The following MORC1 variants were observed in gnomAD, a reference collection of about 807,000 sequenced individuals.
The protein encoded by MORC1 is MORC family CW-type zinc finger protein 1.
Under a neutral mutation model 134.9 loss-of-function variants are expected in MORC1, and 59 were observed. The observed-to-expected ratio is 0.44, with a 90% CI of 0.35 to 0.54. The LOEUF is 0.54. MORC1 is among the 20% of genes least tolerant of loss of function. The pLI, the probability that MORC1 is intolerant of heterozygous loss-of-function variation, is 0.00. For synonymous variants in MORC1, 395 were observed against 391.7 expected, an observed-to-expected ratio of 1.01 and a Z score of -0.10; for missense variants, 947 against 1,134.5, an observed-to-expected ratio of 0.83 and a Z score of 2.37.
chr3:109,117,349 A>AG (rs1442367699), intron 1 of MORC1, among the ~76,000 whole-genome samples: 52 of 151,006 alleles, frequency 3.4e-4, no homozygotes, highest in African/African-American at 1.2e-3. Context: ...AAAAAAAAAA[A>AG]AAAAGAAACA....
intron 17 of MORC1, among the ~76,000 whole-genome samples, chr3:109,019,362 G>C (rs761462200): frequency 2.3e-4 from 35 of 152,116 alleles, no homozygotes; most frequent in Non-Finnish European, 4.4e-4. Flanking sequence ...ACTATAGACA[G>C]AGCTACTCAG....
intron 13 of MORC1, among the ~76,000 whole-genome samples, chr3:109,056,890 C>T (rs1372382602): frequency 2.6e-5 from 4 of 152,136 alleles, no homozygotes; most frequent in African/African-American, 9.7e-5. Context: ...GAATGTATTA[C>T]GCTAAAATCC....
intron 23 of MORC1, among the ~76,000 whole-genome samples, chr3:108,980,245 G>C (rs1176464855): frequency 6.6e-6 from 1 of 152,142 alleles, no homozygotes; most frequent in African/African-American, 2.4e-5. Context: ...GCAAGTTCAT[G>C]TAACTTTATG....
At chr3:108,972,656 G>C (rs2715745) in intron 24 of MORC1, among the ~76,000 whole-genome samples, 67,067 of 152,032 alleles carry the variant, frequency 0.44, 15,329 homozygotes, top group Non-Finnish European at 0.51. Context: ...AGTTGCAACA[G>C]GAGTTCCTGG....
intron 14 of MORC1, among the ~76,000 whole-genome samples, chr3:109,046,879 T>C (rs1409177432): frequency 1.3e-5 from 2 of 152,170 alleles, no homozygotes; most frequent in African/African-American, 4.8e-5. Flanking sequence ...TCAGTGTAAG[T>C]CCCATATACA....
At position 108,959,809 on chromosome 3, in the gene MORC1, T is replaced by C. The variant is rs1042793922; in HGVS notation, c.2800-689A>G. Among the ~76,000 whole-genome samples, 5 of 152,232 alleles carry C rather than the reference T, an allele frequency of 3.3e-5. No homozygotes were observed. The South Asian group carries it at 6.2e-4, about 19-fold the overall frequency. Reference sequence around the variant, plus strand: ...TGACATATTTGACCAGGATCTAGTCTGAAGCACTAAAAGGATAAGATATCA... The same window carrying C: ...TGACATATTTGACCAGGATCTAGTCCGAAGCACTAAAAGGATAAGATATCA... On this transcript the variant is annotated intron_variant, in intron 27 of 27. Coordinates refer to ENST00000232603, the MANE Select transcript of MORC1 (RefSeq NM_014429.4).
At chr3:108,966,402 T>C (rs775755979) in intron 26 of MORC1, among the ~76,000 whole-genome samples, 3 of 152,136 alleles carry the variant, frequency 2.0e-5, no homozygotes, top group African/African-American at 7.2e-5. Flanking sequence ...AACAGGAATA[T>C]TCATTTAAGT....
chr3:109,105,359 C>T (rs555527360), intron 3 of MORC1, among the ~76,000 whole-genome samples: 1 of 152,326 alleles, frequency 6.6e-6, no homozygotes, highest in East Asian at 1.9e-4. Flanking sequence ...CCTGTCTCTA[C>T]TAAAAATACA....
intron 5 of MORC1, 33 bp from the exon 6 acceptor site, chr3:109,099,499 A>T (rs377433500): frequency 2.9e-5 from 43 of 1,495,100 alleles, no homozygotes; most frequent in Non-Finnish European, 3.9e-5. Flanking sequence ...CATGTTTTAC[A>T]CCTCAAATAC....
chr3:109,067,835 G>A lies in MORC1; in HGVS notation c.815+1797C>T, dbSNP rs1043019782. ...CCATTGGTGCGTGGTCAGGGAGTAT[G>A]ATGCAGAGATCTATAATTTTTAGTA... is the stretch of plus-strand genomic sequence containing the variant. On this transcript the variant is annotated intron_variant, in intron 9 of 27. Transcript: ENST00000232603. Among the ~76,000 whole-genome samples, 6 of 152,248 alleles carry A rather than the reference G, an allele frequency of 3.9e-5. 1 individual carries two copies. Among genetic ancestry groups the A allele is most frequent in the Admixed American group, 1.3e-4 (2 of 15,284 alleles).
intron 8 of MORC1, among the ~76,000 whole-genome samples, chr3:109,082,778 T>G (rs1950547241): frequency 2.0e-5 from 3 of 151,888 alleles, no homozygotes; most frequent in Admixed American, 2.0e-4. Flanking sequence ...GCCTACAAGA[T>G]ACAGAAAATT....
chr3:109,067,794 A>G (rs1460340975), intron 9 of MORC1, among the ~76,000 whole-genome samples: 1 of 152,176 alleles, frequency 6.6e-6, no homozygotes, highest in Admixed American at 6.5e-5. Context: ...GATCAAAAGT[A>G]AAGCTTTTGC....
chr3:109,081,166 TAAG>T (rs775659709), intron 8 of MORC1, among the ~76,000 whole-genome samples: 9 of 151,866 alleles, frequency 5.9e-5, no homozygotes, highest in Non-Finnish European at 1.2e-4. Flanking sequence ...AATTACAAAA[TAAG>T]AAAAACAAAG....
chr3:108,959,188 G>C, intron 27 of MORC1, 68 bp from the exon 28 acceptor site: 1 of 1,384,016 alleles, frequency 7.2e-7, no homozygotes, highest in South Asian at 1.4e-5. Context: ...AATTTGGGCA[G>C]CCTCCTAACA....
intron 5 of MORC1, among the ~76,000 whole-genome samples, 150 bp downstream of exon 5, chr3:109,100,264 TATA>T (rs1482653647): frequency 6.6e-6 from 1 of 152,106 alleles, no homozygotes; most frequent in African/African-American, 2.4e-5. Context: ...GTCAGTTTTG[TATA>T]TGGAGATTCC....
chr3:108,962,153 T>A (rs1212229466), intron 27 of MORC1, among the ~76,000 whole-genome samples: 1 of 152,126 alleles, frequency 6.6e-6, no homozygotes, highest in Non-Finnish European at 1.5e-5. Flanking sequence ...CAAATACAAT[T>A]ACCTTTATAT....
At chr3:108,996,265 T>TGCGC (rs1948207061) in intron 21 of MORC1, among the ~76,000 whole-genome samples, 1 of 81,308 alleles carries the variant, frequency 1.2e-5, no homozygotes, top group Admixed American at 1.1e-4. Context: ...TGTGCACATG[T>TGCGC]GCGCGTGCGT....
chr3:109,117,331 C>CAAAAAAAAAAAAAAAAAAAGAA (rs1951294649), intron 1 of MORC1, among the ~76,000 whole-genome samples: 1 of 113,644 alleles, frequency 8.8e-6, no homozygotes. Context: ...CAAAAGATGT[C>CAAAAAAAAAAAAAAAAAAAGAA]AAAAAAAAAA....
chr3:108,991,070 C>A (rs1315956988), intron 21 of MORC1, among the ~76,000 whole-genome samples: 5 of 152,136 alleles, frequency 3.3e-5, no homozygotes, highest in African/African-American at 1.2e-4. Flanking sequence ...AAGGAATGAG[C>A]AGTGGGGTCT....
Sources: allele counts gnomAD v4.1 joint callset (sites outside exome capture counted in the v4.1 genomes callset), GRCh38; gene constraint gnomAD v4.1.1; transcripts MANE v1.5; gene names NCBI Gene and HGNC (gene_info 2026-07-23, HGNC 2026-07-21).